The following CACNA1C variants were observed in gnomAD, a reference collection of about 807,000 sequenced individuals.
The protein encoded by CACNA1C is voltage-dependent L-type calcium channel subunit alpha-1C.
A neutral mutation model predicts 229.0 loss-of-function variants in CACNA1C; 30 were observed. The ratio of observed to expected loss-of-function variants is 0.13; its 90% CI spans 0.10 to 0.18. The LOEUF is 0.18. CACNA1C is among the 10% of genes least tolerant of loss of function. CACNA1C has a pLI of 1.00. For missense variants in CACNA1C, 1,658 were observed against 2,845.0 expected, an observed-to-expected ratio of 0.58 and a Z score of 9.49; for synonymous variants, 1,114 against 1,132.5, an observed-to-expected ratio of 0.98 and a Z score of 0.33.
intron 3 of CACNA1C, among the ~76,000 whole-genome samples, chr12:2,149,655 G>A (rs2095051988): frequency 6.6e-6 from 1 of 152,186 alleles, no homozygotes; most frequent in African/African-American, 2.4e-5. Context: ...TTGAGTAAGA[G>A]ACAATGACCT....
chr12:2,586,814 C>T (rs1036296259), intron 18 of CACNA1C, among the ~76,000 whole-genome samples: 2 of 152,218 alleles, frequency 1.3e-5, no homozygotes, highest in South Asian at 2.1e-4. Flanking sequence ...ACACCATCCT[C>T]ACTCCCCTCC....
In CACNA1C at chr12:2,077,871, A is replaced by G. The variant is rs1399105324; in HGVS notation, c.49+24260A>G. 4.6e-5 allele frequency among the ~76,000 whole-genome samples: 7 copies of G among 152,374 alleles called. No individual in the cohort carries two copies. The East Asian group carries it at 1.2e-3, about 25-fold the overall frequency. ...GAGAGCAAAACTCTCGGGCTGTATC[A>G]ACCACATGTGTGGCACCTGAATTCA... On this transcript the variant is annotated intron_variant, in intron 1 of 46. Coordinates refer to ENST00000399655, the MANE Select transcript of CACNA1C (RefSeq NM_000719.7).
At chr12:2,162,783 A>G (rs542355059) in intron 3 of CACNA1C, among the ~76,000 whole-genome samples, 4 of 152,250 alleles carry the variant, frequency 2.6e-5, no homozygotes, top group Admixed American at 2.6e-4. Context: ...TTCCAGATTG[A>G]CATCCATGCC....
intron 3 of CACNA1C, among the ~76,000 whole-genome samples, chr12:2,387,486 A>AAAAGAAAG (rs150599021): frequency 3.3e-5 from 5 of 151,830 alleles, no homozygotes; most frequent in Non-Finnish European, 1.5e-5. Flanking sequence ...CTCCATCTCA[A>AAAAGAAAG]AAAGAAAGAA....
intron 1 of CACNA1C, among the ~76,000 whole-genome samples, chr12:1,979,713 T>C (rs2035562454): frequency 6.6e-6 from 1 of 152,254 alleles, no homozygotes; most frequent in Admixed American, 6.5e-5. Flanking sequence ...CCAAAGTAGT[T>C]GTAGCATATT....
intron 19 of CACNA1C, among the ~76,000 whole-genome samples, chr12:2,593,687 C>A (rs2066612273): frequency 6.6e-6 from 1 of 152,230 alleles, no homozygotes; most frequent in African/African-American, 2.4e-5. Context: ...TTTTAACTCA[C>A]TCATCTGCTC....
At chr12:2,027,356 C>T (rs979017953) in intron 1 of CACNA1C, among the ~76,000 whole-genome samples, 2 of 152,196 alleles carry the variant, frequency 1.3e-5, no homozygotes, top group African/African-American at 2.4e-5. Flanking sequence ...CATCTCTCTC[C>T]TTCTGTCTTC....
intron 18 of CACNA1C, among the ~76,000 whole-genome samples, chr12:2,588,900 T>G (rs770239688): frequency 1.1e-4 from 16 of 150,874 alleles, no homozygotes; most frequent in Non-Finnish European, 1.9e-4. Context: ...AGACACTGAG[T>G]AGTCAGCACC....
In CACNA1C at chr12:2,152,238, A is replaced by G. The variant is rs2095319187; in HGVS notation, c.477+31808A>G. Among the ~76,000 whole-genome samples the G allele has an allele frequency of 6.6e-6, 1 of 152,162 alleles. No homozygotes were observed. The highest frequency in any genetic ancestry group is 2.1e-4 in the South Asian group (1 of 4,830). ...GACTGTTACCCAGTGTCTGTTCTCT[A>G]CCTCTTTCATAGGGATAGAATTTTC... On this transcript the variant is annotated intron_variant, in intron 3 of 46. Coordinates refer to ENST00000399655, the MANE Select transcript of CACNA1C (RefSeq NM_000719.7). The surrounding 1 kb of genome is among the most constrained non-coding windows in gnomAD (Gnocchi z 4.2).
intron 3 of CACNA1C, among the ~76,000 whole-genome samples, chr12:2,228,434 T>C (rs2063687072): frequency 6.6e-6 from 1 of 152,232 alleles, no homozygotes; most frequent in Non-Finnish European, 1.5e-5. Context: ...GATCTGAATC[T>C]CTCTGTCCTT....
At chr12:2,088,849 T>C (rs563523791) in intron 1 of CACNA1C, among the ~76,000 whole-genome samples, 10 of 152,214 alleles carry the variant, frequency 6.6e-5, no homozygotes, top group African/African-American at 2.2e-4. Flanking sequence ...GTCGGACTGG[T>C]TACTATATGT....
chr12:2,115,313 G>T lies in CACNA1C; in HGVS notation c.139G>T (p.Gly47Trp). 6.3e-7 allele frequency: 1 copy of T among 1,595,382 alleles called. No individual in the cohort carries two copies. Among genetic ancestry groups the T allele is most frequent in the Non-Finnish European group, 8.5e-7 (1 of 1,172,882 alleles). The change falls in exon 2 of 47, where the codon GGG (glycine) becomes TGG (tryptophan). Residue 47 changes from glycine (G) to tryptophan (W), a missense_variant. Physicochemically the swap from Gly to Trp is radical, Grantham distance 184. Coordinates refer to ENST00000399655, the MANE Select transcript of CACNA1C (RefSeq NM_000719.7). The stretch of plus-strand genomic sequence containing the variant: ...GGCCCCTGAGCACATCCCCACCCCG[G>T]GGGCTGCCCTGTCGTGGCAGGCGGC... ...GLAPEHIPTPGAALSWQAAID... is the reference protein window; with the variant it reads ...GLAPEHIPTPWAALSWQAAID...
intron 3 of CACNA1C, among the ~76,000 whole-genome samples, chr12:2,345,413 A>G (rs7962261): frequency 0.041 from 6,295 of 152,264 alleles, 428 homozygotes; most frequent in African/African-American, 0.14. Context: ...GGCAGTGGCC[A>G]CTAACCAACT....
At chr12:2,667,942 G>A (rs1324684033) in intron 37 of CACNA1C, among the ~76,000 whole-genome samples, 2 of 152,234 alleles carry the variant, frequency 1.3e-5, no homozygotes, top group African/African-American at 4.8e-5. Flanking sequence ...CATGCTGAAG[G>A]CCCCACACCA....
intron 3 of CACNA1C, among the ~76,000 whole-genome samples, chr12:2,151,902 T>C (rs115923265): frequency 0.015 from 2,260 of 152,296 alleles, 63 homozygotes; most frequent in African/African-American, 0.05. Context: ...ATATCTGAGC[T>C]AGTGCTGCCC....
chr12:2,607,370 C>T (rs956474516), intron 26 of CACNA1C: 33 of 475,834 alleles, frequency 6.9e-5, no homozygotes, highest in Non-Finnish European at 1.2e-4. Context: ...TTTTTTTAGC[C>T]CTCTTTCCAA....
chr12:2,468,006 G>A (rs563098764), intron 5 of CACNA1C, among the ~76,000 whole-genome samples: 9 of 152,336 alleles, frequency 5.9e-5, no homozygotes, highest in Non-Finnish European at 1.2e-4. Flanking sequence ...CTTGGAGAGG[G>A]ACCCTGTGGG....
chr12:2,163,120 C>T (rs1462666072), intron 3 of CACNA1C, among the ~76,000 whole-genome samples: 1 of 151,474 alleles, frequency 6.6e-6, no homozygotes, highest in Admixed American at 6.6e-5. Context: ...ATCACTTGAA[C>T]CCAGGAGGCA....
chr12:2,377,836 T>A (rs1167081253), intron 3 of CACNA1C, among the ~76,000 whole-genome samples: 1 of 152,168 alleles, frequency 6.6e-6, no homozygotes, highest in Non-Finnish European at 1.5e-5. Flanking sequence ...TCTCCATGAT[T>A]TCTGAAGAAC....
Sources: allele counts gnomAD v4.1 joint callset (sites outside exome capture counted in the v4.1 genomes callset), GRCh38; gene constraint gnomAD v4.1.1; non-coding constraint Gnocchi (gnomAD v3.1); transcripts MANE v1.5; gene names NCBI Gene and HGNC (gene_info 2026-07-23, HGNC 2026-07-21).